FSIP2: variants seen among roughly 807,000 people sequenced by gnomAD.
FSIP2 encodes fibrous sheath interacting protein 2, also known as fibrous sheath-interacting protein 2.
A neutral mutation model predicts 510.5 loss-of-function variants in FSIP2; 367 were observed. That is an observed-to-expected ratio of 0.72 (90% CI 0.66 to 0.78). The LOEUF is 0.78. Ranked by LOEUF, FSIP2 falls within the 30% of genes least tolerant of loss-of-function variation. FSIP2 has a pLI of 0.00. For missense variants in FSIP2, 7,594 were observed against 7,901.7 expected (o/e 0.96, Z 1.48); for synonymous variants, 2,601 against 2,732.2 (o/e 0.95, Z 1.50).
intron 20 of FSIP2, among the ~76,000 whole-genome samples, chr2:185,826,308 C>T (rs1236722730): frequency 6.6e-6 from 1 of 151,792 alleles, no homozygotes; most frequent in East Asian, 1.9e-4. Context: ...GGGCATCATC[C>T]TAACATCCTA....
chr2:185,806,130 T>C lies in FSIP2; in HGVS notation c.16824T>C (p.Tyr5608=). 6.4e-7 allele frequency: 1 copy of C among 1,574,482 alleles called. No homozygotes were observed. The highest frequency in any genetic ancestry group is 8.6e-7 in the Non-Finnish European group (1 of 1,167,406). Residue 5608 remains tyrosine, a synonymous_variant, in exon 17 of 23, where the codon TAT becomes TAC. Coordinates refer to ENST00000424728, the MANE Select transcript of FSIP2 (RefSeq NM_173651.4). ...EVLGSDSEIG[Y]KKKIDNARES... ...TTGGATCAGATTCTGAAATAGGCTA[T>C]AAAAAGAAGATTGACAATGCAAGGG... is the stretch of plus-strand genomic sequence containing the variant.
chr2:185,790,300 C>A lies in FSIP2; in HGVS notation c.3164C>A (p.Pro1055His). ...AGAAATATCAAACCACCTACAAAGC[C>A]TGGTTCTAGAAGCAAAGCTGCATTT... is the stretch of plus-strand genomic sequence containing the variant. ...CKRNIKPPTK[P>H]GSRSKAAFHD... Residue 1055 changes from proline to histidine, a missense_variant, in exon 16 of 23, where the codon CCT (proline) becomes CAT (histidine). Transcript: ENST00000424728. 1 of 1,533,818 alleles carries A rather than the reference C, an allele frequency of 6.5e-7. No homozygotes were observed. Among genetic ancestry groups the A allele is most frequent in the South Asian group, 1.2e-5 (1 of 83,956 alleles).
Position 185,808,766 on chromosome 2 carries a change from G to A in FSIP2, c.19460G>A (p.Arg6487Lys). The A allele has an allele frequency of 1.2e-6, 2 of 1,612,588 alleles. No individual in the cohort carries two copies. Among genetic ancestry groups the A allele is most frequent in the Non-Finnish European group, 1.7e-6 (2 of 1,179,400 alleles). ...CTCTCTGGAGAGCTAGACGTTAATA[G>A]AATTGTTCAAAAGGCCCAAGAACAT... Reference protein sequence around the residue: ...ADLSGELDVNRIVQKAQEHAF... With the variant: ...ADLSGELDVNKIVQKAQEHAF... The change falls in exon 17 of 23, where the codon AGA (arginine) becomes AAA (lysine). Residue 6487 changes from arginine (R) to lysine (K), a missense_variant. By Grantham distance (26) the Arg-to-Lys change is conservative (BLOSUM62 2). Coordinates refer to ENST00000424728, the MANE Select transcript of FSIP2 (RefSeq NM_173651.4).
Position 185,807,072 on chromosome 2 carries a change from T to C in FSIP2, c.17766T>C (p.Cys5922=), listed in dbSNP as rs1392990394. The C allele has an allele frequency of 1.3e-6, 2 of 1,590,266 alleles. No individual in the cohort carries two copies. Among genetic ancestry groups the C allele is most frequent in the East Asian group, 4.5e-5 (2 of 44,740 alleles). ...ATAAAGTTGTTCACTCCTCTGTTTG[T>C]AATATTTTAAATGACTATGGATCTC... ...LVNKVVHSSV[C]NILNDYGSQD... Residue 5922 remains cysteine (C), a synonymous_variant, in exon 17 of 23, where the codon TGT becomes TGC. Transcript: ENST00000424728.
At position 185,793,362 on chromosome 2, in the gene FSIP2, C is replaced by G. The variant is rs74508015; in HGVS notation, c.6226C>G (p.Leu2076Val). The change falls in exon 16 of 23, where the codon CTG (leucine) becomes GTG (valine). Residue 2076 changes from leucine to valine, a missense_variant. Transcript: ENST00000424728. ...LDQQKGVIEK[L>V]LNETKYRKVL... ...TCAGCAAAAAGGTGTTATTGAAAAGCTGCTCAATGAGACCAAATATCGAAA... is the reference window on the plus strand; with the variant it reads ...TCAGCAAAAAGGTGTTATTGAAAAGGTGCTCAATGAGACCAAATATCGAAA... The G allele has an allele frequency of 1.3e-6, 2 of 1,533,940 alleles. No individual in the cohort carries two copies. The highest frequency in any genetic ancestry group is 1.7e-6 in the Non-Finnish European group (2 of 1,145,564).
chr2:185,774,648 G>A (rs2370477), intron 13 of FSIP2, among the ~76,000 whole-genome samples: 77,885 of 144,638 alleles, frequency 0.54, 21,214 homozygotes, highest in South Asian at 0.64. Flanking sequence ...AGTTACATAC[G>A]TATACATGTG....
In FSIP2 at chr2:185,802,603, A is replaced by AATGGCTACCT. The variant is rs1193080478; in HGVS notation, c.13299_13300insGGCTACCTAT (p.Ser4434GlyfsTer7). 6.5e-7 allele frequency: 1 copy of AATGGCTACCT among 1,533,210 alleles called. No individual in the cohort carries two copies. The highest frequency in any genetic ancestry group is 2.0e-5 in the Admixed American group (1 of 50,776). The allele number at this position is 1,533,210 out of a possible 1,614,324, so 95.0% of individuals were successfully genotyped here. On this transcript the variant is annotated frameshift_variant, in exon 17 of 23. Coordinates refer to ENST00000424728, the MANE Select transcript of FSIP2 (RefSeq NM_173651.4). LOFTEE classifies it high-confidence loss of function. ...GGATTTTTCAGCTTCTACCTATTCT[A>AATGGCTACCT]ATTCAGTGGCTGAGAATATTGTTCA...
At position 185,793,306 on chromosome 2, in the gene FSIP2, A is replaced by G. The variant is rs1265480260; in HGVS notation, c.6170A>G (p.Lys2057Arg). 2.0e-6 allele frequency: 3 copies of G among 1,534,332 alleles called. No individual in the cohort carries two copies. Among genetic ancestry groups the G allele is most frequent in the South Asian group, 2.4e-5 (2 of 84,020 alleles). ...ATATCACGTAAAGGCAAATGTGACA[A>G]AAACAGTTCTGACAAAGAGATCGAT... Reference protein sequence around the residue: ...DIISRKGKCDKNSSDKEIDLD... With the variant: ...DIISRKGKCDRNSSDKEIDLD... Residue 2057 changes from lysine (K) to arginine (R), a missense_variant, in exon 16 of 23, where the codon AAA (lysine) becomes AGA (arginine). Transcript: ENST00000424728.
chr2:185,795,749 A>G lies in FSIP2; in HGVS notation c.8613A>G (p.Ile2871Met), dbSNP rs550936277. ...AAAATGTTTTGACTGAAATTTCAAT[A>G]AAAGCAAAAGAATTAGAATATTCTC... Reference protein sequence around the residue: ...IAENVLTEISIKAKELEYSLS... With the variant: ...IAENVLTEISMKAKELEYSLS... The change falls in exon 16 of 23, where the codon ATA (isoleucine) becomes ATG (methionine). Residue 2871 changes from isoleucine to methionine, a missense_variant. Coordinates refer to ENST00000424728, the MANE Select transcript of FSIP2 (RefSeq NM_173651.4). 1.3e-4 allele frequency: 192 copies of G among 1,533,068 alleles called. No individual in the cohort carries two copies. The Middle Eastern group carries it at 1.3e-3, about 11-fold the overall frequency. The allele number at this position is 1,533,068 out of a possible 1,614,324, so 95.0% of individuals were successfully genotyped here.
In FSIP2 at chr2:185,831,824, C is replaced by G; in HGVS notation, c.20529C>G (p.Ile6843Met). 1 of 1,607,972 alleles carries G rather than the reference C, an allele frequency of 6.2e-7. No individual in the cohort carries two copies. The highest frequency in any genetic ancestry group is 8.5e-7 in the Non-Finnish European group (1 of 1,175,294). The change falls in exon 22 of 23, where the codon ATC becomes ATG. Residue 6843 changes from isoleucine to methionine, a missense_variant. Transcript: ENST00000424728. The part of the protein sequence containing the change: ...EHGNSVKFIT[I>M]FERSKDVLGS... ...ATTTACCTTGGCAGTTTATCACCAT[C>G]TTTGAAAGATCCAAGGATGTTCTTG...
rs536629449 is a variant in FSIP2 at position 185,747,300 on chromosome 2, T to C, written c.760-13T>C. ...GGCACACACACCAAGTGCAGTAACA[T>C]TGTGATTTCTAGGAATGGAAGACAA... is the stretch of plus-strand genomic sequence containing the variant. On this transcript the variant is annotated splice_polypyrimidine_tract_variant and intron_variant, in intron 6 of 22. Transcript: ENST00000424728. The C allele has an allele frequency of 2.8e-5, 40 of 1,420,882 alleles. No individual in the cohort carries two copies. Among genetic ancestry groups the C allele is most frequent in the East Asian group, 5.0e-5 (2 of 40,292 alleles). The allele number at this position is 1,420,882 out of a possible 1,614,324, so 88.0% of individuals were successfully genotyped here. A position where few individuals can be genotyped will look rare whatever the true frequency, so the allele number is the denominator to read the frequency against.
At chr2:185,739,531 A>C in intron 2 of FSIP2, 60 bp downstream of exon 2, 1 of 1,355,446 alleles carries the variant, frequency 7.4e-7, no homozygotes, top group East Asian at 2.8e-5. Flanking sequence ...GTTTAACTCA[A>C]AGGCTGCATC....
intron 2 of FSIP2, among the ~76,000 whole-genome samples, chr2:185,742,211 C>G (rs1300183611): frequency 6.6e-6 from 1 of 152,178 alleles, no homozygotes; most frequent in Non-Finnish European, 1.5e-5. Flanking sequence ...CAACTTCCTA[C>G]TCTTATTCTC....
Position 185,800,128 on chromosome 2 carries a change from T to C in FSIP2, c.10822T>C (p.Leu3608=). ...GGFDDLFQDL[L]VGVIHVLSKE... is the part of the protein sequence containing the mutation. ...CTTTGATGACCTCTTTCAGGATCTC[T>C]TAGTAGGAGTGATTCATGTACTGTC... The change falls in exon 17 of 23, where the codon TTA becomes CTA. Residue 3608 remains leucine (L), a synonymous_variant. Coordinates refer to ENST00000424728, the MANE Select transcript of FSIP2 (RefSeq NM_173651.4). The C allele has an allele frequency of 6.5e-7, 1 of 1,534,080 alleles. No homozygotes were observed. Among genetic ancestry groups the C allele is most frequent in the Non-Finnish European group, 8.7e-7 (1 of 1,145,576 alleles).
At position 185,789,390 on chromosome 2, in the gene FSIP2, C is replaced by A; in HGVS notation, c.2254C>A (p.Pro752Thr). ...KEILLSNAHIPSVASEIVENM... is the reference protein window; with the variant it reads ...KEILLSNAHITSVASEIVENM... ...AATCTTGCTTTCCAATGCTCATATT[C>A]CCTCAGTTGCTTCTGAGATTGTGGA... Residue 752 changes from proline to threonine, a missense_variant, in exon 16 of 23, where the codon CCC becomes ACC. Transcript: ENST00000424728. 1 of 1,534,936 alleles carries A rather than the reference C, an allele frequency of 6.5e-7. No individual in the cohort carries two copies. The highest frequency in any genetic ancestry group is 1.2e-5 in the South Asian group (1 of 84,044).
intron 20 of FSIP2, among the ~76,000 whole-genome samples, chr2:185,825,446 G>A (rs757968260): frequency 1.3e-5 from 2 of 151,698 alleles, no homozygotes; most frequent in Non-Finnish European, 2.9e-5. Flanking sequence ...GAGGAGGGAG[G>A]TGAGCACTGA....
At chr2:185,811,579 C>T (rs1274075888) in intron 17 of FSIP2, among the ~76,000 whole-genome samples, 3 of 151,750 alleles carry the variant, frequency 2.0e-5, no homozygotes, top group Non-Finnish European at 2.9e-5. Flanking sequence ...GTAAAACTAC[C>T]AGTTCTTAGA....
chr2:185,791,982 A>AAGAT lies in FSIP2; in HGVS notation c.4849_4852dup (p.Gly1618AspfsTer6), dbSNP rs1318593692. On this transcript the variant is annotated frameshift_variant, in exon 16 of 23. Coordinates refer to ENST00000424728, the MANE Select transcript of FSIP2 (RefSeq NM_173651.4). LOFTEE classifies it high-confidence loss of function. Reference sequence around the variant, plus strand: ...TAATGATGGAAATAAGAAAAGCAATAAGATAGGCTGGGAATATGAAAGCAC... The same window carrying AAGAT: ...TAATGATGGAAATAAGAAAAGCAATAAGATAGATAGGCTGGGAATATGAAAGCAC... 4 of 1,533,918 alleles carry AAGAT rather than the reference A, an allele frequency of 2.6e-6. No homozygotes were observed. The highest frequency in any genetic ancestry group is 2.6e-6 in the Non-Finnish European group (3 of 1,145,362).
intron 17 of FSIP2, among the ~76,000 whole-genome samples, chr2:185,811,647 G>T (rs1015533970): frequency 1.3e-5 from 2 of 152,008 alleles, no homozygotes; most frequent in Non-Finnish European, 2.9e-5. Flanking sequence ...TGGAGAAAAG[G>T]CTTCAAAAGC....
Sources: gnomAD v4.1 joint callset for allele counts (sites outside exome capture counted in the v4.1 genomes callset) on GRCh38, gnomAD v4.1.1 for gene constraint, MANE v1.5 for transcripts, NCBI Gene and HGNC (gene_info 2026-07-23, HGNC 2026-07-21) for gene names.